The following CCDC15 variants were observed in gnomAD, a reference collection of about 807,000 sequenced individuals.
The protein encoded by CCDC15 is coiled-coil domain-containing protein 15.
A neutral mutation model predicts 114.5 loss-of-function variants in CCDC15; 105 were observed. The observed-to-expected ratio is 0.92, with a 90% CI of 0.78 to 1.08. The LOEUF is 1.08. CCDC15 is among the 50% of genes least tolerant of loss of function. The pLI, the probability that CCDC15 is intolerant of heterozygous loss-of-function variation, is 0.00. For missense variants in CCDC15, 1,105 were observed against 1,093.6 expected (o/e 1.01, Z -0.15); for synonymous variants, 334 against 377.8 (o/e 0.88, Z 1.34).
intron 13 of CCDC15, among the ~76,000 whole-genome samples, chr11:125,027,493 T>A (rs1437292956): frequency 1.3e-5 from 2 of 152,190 alleles, no homozygotes; most frequent in Non-Finnish European, 2.9e-5. Flanking sequence ...TAAGTAATGA[T>A]GTTGAGCATT....
In CCDC15 at chr11:125,038,570, A is replaced by G. The variant is rs1248088342; in HGVS notation, c.2551A>G (p.Arg851Gly). 4 of 1,576,366 alleles carry G rather than the reference A, an allele frequency of 2.5e-6. No homozygotes were observed. The highest frequency in any genetic ancestry group is 3.4e-6 in the Non-Finnish European group (4 of 1,163,824). The change falls in exon 14 of 16, where the codon AGA becomes GGA. Residue 851 changes from arginine to glycine, a missense_variant. Coordinates refer to ENST00000344762, the MANE Select transcript of CCDC15 (RefSeq NM_025004.3). Reference sequence around the variant, plus strand: ...ACAACTTCAAGAAATAAAAGGAACCAGAGAAAAACAACAGAGAGAAAAAGA... The same window carrying G: ...ACAACTTCAAGAAATAAAAGGAACCGGAGAAAAACAACAGAGAGAAAAAGA... Reference protein sequence around the residue: ...QLQLQEIKGTREKQQREKEYL... With the variant: ...QLQLQEIKGTGEKQQREKEYL...
chr11:125,004,223 T>C (rs750348466), intron 12 of CCDC15, among the ~76,000 whole-genome samples: 7 of 152,054 alleles, frequency 4.6e-5, no homozygotes, highest in Admixed American at 2.0e-4. Context: ...CTATAACTTA[T>C]TTAAAGGAAG....
chr11:124,980,243 G>A (rs1164234176), intron 6 of CCDC15, among the ~76,000 whole-genome samples: 1 of 152,030 alleles, frequency 6.6e-6, no homozygotes, highest in Non-Finnish European at 1.5e-5. Context: ...TTTTTGTTGT[G>A]TCTCTGCCAG....
intron 2 of CCDC15, among the ~76,000 whole-genome samples, chr11:124,957,094 AACC>A (rs1352387316): frequency 3.3e-5 from 5 of 152,224 alleles, no homozygotes; most frequent in African/African-American, 9.6e-5. Flanking sequence ...CTGTGTAACC[AACC>A]ACCCCAGAAC....
intron 6 of CCDC15, among the ~76,000 whole-genome samples, chr11:124,980,626 G>C (rs754950750): frequency 3.9e-5 from 6 of 152,114 alleles, no homozygotes; most frequent in Admixed American, 1.3e-4. Context: ...TGTCCCCTTT[G>C]TCATTTCTGA....
In CCDC15 at chr11:124,972,749, T is replaced by G. The variant is rs1252259443; in HGVS notation, c.517-2347T>G. ...GTTTGTTTCTTGACATTTCCAGCTT[T>G]TGGTGTCTGCTGGCATTCCTTTTCT... is the stretch of plus-strand genomic sequence containing the variant. On this transcript the variant is annotated intron_variant, in intron 4 of 15. Coordinates refer to ENST00000344762, the MANE Select transcript of CCDC15 (RefSeq NM_025004.3). 3.3e-5 allele frequency among the ~76,000 whole-genome samples: 5 copies of G among 152,310 alleles called. No individual in the cohort carries two copies. In the East Asian group the frequency reaches 9.6e-4, roughly 29 times the overall value.
At chr11:125,016,490 C>A (rs577828745) in intron 13 of CCDC15, among the ~76,000 whole-genome samples, 20 of 152,138 alleles carry the variant, frequency 1.3e-4, no homozygotes, top group African/African-American at 4.3e-4. Flanking sequence ...TTTTAATGTT[C>A]TTTAGAGCTC....
chr11:124,964,003 A>G (rs1372047974), intron 4 of CCDC15, among the ~76,000 whole-genome samples: 1 of 151,988 alleles, frequency 6.6e-6, no homozygotes, highest in Non-Finnish European at 1.5e-5. Context: ...TTGTCTATAT[A>G]TCTGTTTTGG....
At chr11:125,027,868 G>A (rs747526973) in intron 13 of CCDC15, among the ~76,000 whole-genome samples, 3 of 151,722 alleles carry the variant, frequency 2.0e-5, no homozygotes, top group Admixed American at 6.6e-5. Context: ...ATAGTTTCAC[G>A]TCTTAGGTTT....
chr11:125,020,239 A>G (rs1948653157), intron 13 of CCDC15, among the ~76,000 whole-genome samples: 2 of 151,814 alleles, frequency 1.3e-5, no homozygotes, highest in African/African-American at 4.8e-5. Context: ...CACCTCTTTC[A>G]CTCCTGAAGT....
intron 12 of CCDC15, 32 bp downstream of exon 12, chr11:125,003,991 A>T: frequency 9.1e-7 from 1 of 1,100,758 alleles, no homozygotes; most frequent in Non-Finnish European, 1.3e-6. Context: ...GGATCCCAAT[A>T]TTTCTACTAT....
chr11:124,983,131 G>A (rs909335645), intron 6 of CCDC15, among the ~76,000 whole-genome samples: 30 of 152,148 alleles, frequency 2.0e-4, no homozygotes, highest in African/African-American at 6.5e-4. Flanking sequence ...GTGTTTTTCA[G>A]CTCTATCAGA....
intron 13 of CCDC15, among the ~76,000 whole-genome samples, chr11:125,020,345 G>A (rs1291950523): frequency 6.6e-6 from 1 of 151,898 alleles, no homozygotes; most frequent in Non-Finnish European, 1.5e-5. Flanking sequence ...AACAGTCCTT[G>A]CTTTTGGTTC....
At chr11:124,968,734 C>T (rs564478125) in intron 4 of CCDC15, among the ~76,000 whole-genome samples, 54 of 152,248 alleles carry the variant, frequency 3.5e-4, no homozygotes, top group Admixed American at 9.2e-4. Flanking sequence ...CTGTCTTCTG[C>T]GTCGATCACG....
At chr11:124,997,923 CAA>C (rs1444790523) in intron 11 of CCDC15, among the ~76,000 whole-genome samples, 1 of 152,230 alleles carries the variant, frequency 6.6e-6, no homozygotes. Context: ...GCCTGGGTGA[CAA>C]GAGCAAAACT....
intron 4 of CCDC15, among the ~76,000 whole-genome samples, chr11:124,973,048 T>C (rs1947911007): frequency 6.6e-6 from 1 of 152,156 alleles, no homozygotes; most frequent in South Asian, 2.1e-4. Context: ...CCAATGACAG[T>C]CCTCAAAGCA....
At chr11:124,993,010 T>C (rs1948296475) in intron 10 of CCDC15, among the ~76,000 whole-genome samples, 159 bp from the exon 11 acceptor site, 1 of 152,042 alleles carries the variant, frequency 6.6e-6, no homozygotes. Flanking sequence ...TTGATGCAAG[T>C]TTGGAAATTT....
intron 11 of CCDC15, among the ~76,000 whole-genome samples, chr11:124,999,535 T>C (rs1027662093): frequency 6.6e-6 from 1 of 151,380 alleles, no homozygotes; most frequent in Non-Finnish European, 1.5e-5. Flanking sequence ...GTTCACTGAC[T>C]TTTTTTTCAT....
At position 124,960,137 on chromosome 11, in the gene CCDC15, T is replaced by C. The variant is rs1462609157; in HGVS notation, c.516+134T>C. On this transcript the variant is annotated intron_variant, in intron 4 of 15. Coordinates refer to ENST00000344762, the MANE Select transcript of CCDC15 (RefSeq NM_025004.3). ...CTTCACTTTTGATAATCATCCCCCTTTTTTTTTTTTTTTAGCTTTGTAAAG... is the reference window on the plus strand; with the variant it reads ...CTTCACTTTTGATAATCATCCCCCTCTTTTTTTTTTTTTAGCTTTGTAAAG... The C allele has an allele frequency of 9.8e-3, 1,567 of 159,476 alleles. 3 individuals are homozygous for C. The highest frequency in any genetic ancestry group is 0.042 in the African/African-American group (517 of 12,230). The allele number at this position is 159,476 out of a possible 1,614,324, so 9.9% of individuals were successfully genotyped here. A position where few individuals can be genotyped will look rare whatever the true frequency, so the allele number is the denominator to read the frequency against.
Sources: allele counts gnomAD v4.1 joint callset (sites outside exome capture counted in the v4.1 genomes callset), GRCh38; gene constraint gnomAD v4.1.1; transcripts MANE v1.5; gene names NCBI Gene and HGNC (gene_info 2026-07-23, HGNC 2026-07-21).